Variants in TTLL4 observed in about 807,000 individuals in gnomAD.
The protein encoded by TTLL4 is tubulin monoglutamylase TTLL4.
TTLL4 carries 85 observed loss-of-function variants against 122.7 expected under a neutral mutation model. The ratio of observed to expected loss-of-function variants is 0.69; its 90% CI spans 0.58 to 0.83. TTLL4 has a LOEUF of 0.83. Ranked by LOEUF, TTLL4 falls within the 40% of genes least tolerant of loss-of-function variation. The pLI is 0.00. For missense variants in TTLL4, 1,363 were observed against 1,488.6 expected (o/e 0.92, Z 1.39); for synonymous variants, 553 against 563.0 (o/e 0.98, Z 0.25).
Position 218,749,277 on chromosome 2 carries a change from G to A in TTLL4, c.2625G>A (p.Leu875=). The A allele has an allele frequency of 1.2e-6, 2 of 1,614,134 alleles. No individual in the cohort carries two copies. Among genetic ancestry groups the A allele is most frequent in the African/African-American group, 1.3e-5 (1 of 75,032 alleles). ...GGTCAGAGCCCTATGTGACCAGCCT[G>A]CTCAAGATGTATGTGCGACGGCCCT... ...IISSEPYVTS[L]LKMYVRRPYS... Residue 875 remains leucine (L), a synonymous_variant, in exon 14 of 20, where the codon CTG becomes CTA. Transcript: ENST00000392102.
At chr2:218,721,354 G>A (rs192593804) in intron 1 of TTLL4, among the ~76,000 whole-genome samples, 6 of 152,280 alleles carry the variant, frequency 3.9e-5, no homozygotes, top group Non-Finnish European at 2.9e-5. Context: ...ACAGGTGTGC[G>A]TCACCGCGCC....
chr2:218,738,906 CA>C lies in TTLL4; in HGVS notation c.1232del (p.Asn411IlefsTer30). The part of the protein sequence containing the change: ...PGASDTLGLD[N>X]TVFCTKRISI... ...GTGCCTCAGATACCTTGGGGTTGGA[CA>C]ATACAGTCTTCTGTACCAAGCGTAT... On this transcript the variant is annotated frameshift_variant, in exon 3 of 20. Coordinates refer to ENST00000392102, the MANE Select transcript of TTLL4 (RefSeq NM_014640.5). LOFTEE classifies it high-confidence loss of function. The C allele has an allele frequency of 1.9e-6, 3 of 1,614,176 alleles. No homozygotes were observed. Among genetic ancestry groups the C allele is most frequent in the Non-Finnish European group, 2.5e-6 (3 of 1,180,034 alleles).
intron 19 of TTLL4, 111 bp from the exon 20 acceptor site, chr2:218,754,023 C>T: frequency 6.7e-7 from 1 of 1,489,772 alleles, no homozygotes; most frequent in Non-Finnish European, 9.1e-7. Context: ...TAATTTTGGC[C>T]TACAACACTG....
chr2:218,730,782 ATAGTAT>A (rs1942358633), intron 2 of TTLL4, among the ~76,000 whole-genome samples: 3 of 151,746 alleles, frequency 2.0e-5, no homozygotes, highest in Non-Finnish European at 4.4e-5. Flanking sequence ...TTATTAACAG[ATAGTAT>A]TTAAAATACT....
In TTLL4 at chr2:218,738,210, C is replaced by T. The variant is rs766167026; in HGVS notation, c.534C>T (p.Ser178=). ...FSMAQPMASS[S]TEPYLCLAAA... ...TGGCCCAGCCCATGGCCTCCTCATC[C>T]ACAGAACCATACCTCTGCTTGGCAG... Residue 178 remains serine, a synonymous_variant, in exon 3 of 20, where the codon TCC becomes TCT. Transcript: ENST00000392102. The T allele has an allele frequency of 1.9e-6, 3 of 1,614,108 alleles. No individual in the cohort carries two copies.
chr2:218,739,039 C>T lies in TTLL4; in HGVS notation c.1363C>T (p.Pro455Ser). The T allele has an allele frequency of 6.2e-7, 1 of 1,614,232 alleles. No homozygotes were observed. The highest frequency in any genetic ancestry group is 8.5e-7 in the Non-Finnish European group (1 of 1,180,038). ...TGGAGAAGGCAAAGCTCCAGGTCCC[C>T]CTTTTCCTCAAACTCTTGGCATAGC... ...AFGEGKAPGP[P>S]FPQTLGIANV... Residue 455 changes from proline to serine, a missense_variant, in exon 3 of 20, where the codon CCT becomes TCT. Pro to Ser is a moderately conservative substitution (Grantham distance 74, BLOSUM62 -1). Coordinates refer to ENST00000392102, the MANE Select transcript of TTLL4 (RefSeq NM_014640.5).
intron 5 of TTLL4, among the ~76,000 whole-genome samples, chr2:218,742,722 G>T (rs1942735193): frequency 1.3e-5 from 2 of 152,220 alleles, no homozygotes. Context: ...AAGAAAGAAT[G>T]CAGAGAGGTC....
At chr2:218,729,130 C>T (rs990380347) in intron 2 of TTLL4, among the ~76,000 whole-genome samples, 9 of 151,958 alleles carry the variant, frequency 5.9e-5, no homozygotes, top group East Asian at 1.9e-4. Context: ...GACGGGGTTT[C>T]GCCATGTTGG....
chr2:218,751,140 G>A (rs978849630), intron 15 of TTLL4, among the ~76,000 whole-genome samples: 79 of 152,184 alleles, frequency 5.2e-4, no homozygotes, highest in Non-Finnish European at 1.0e-3. Flanking sequence ...TACTTTCCCC[G>A]CTTTACCCTG....
rs566478586 is a variant in TTLL4, at chr2:218,716,892, C to T, written c.-178+5855C>T. Among the ~76,000 whole-genome samples the T allele has an allele frequency of 6.6e-5, 10 of 152,304 alleles. No homozygotes were observed. In the South Asian group the frequency reaches 1.2e-3, roughly 19 times the overall value. On this transcript the variant is annotated intron_variant, in intron 1 of 19. Transcript: ENST00000392102. Reference sequence around the variant, plus strand: ...GGGTAAGAATCTAATTTCGTGCCATCGTCTTGATTCATGCTAAGTCACCAG... The same window carrying T: ...GGGTAAGAATCTAATTTCGTGCCATTGTCTTGATTCATGCTAAGTCACCAG...
chr2:218,711,314 T>G (rs889636214), intron 1 of TTLL4, among the ~76,000 whole-genome samples: 4 of 152,214 alleles, frequency 2.6e-5, no homozygotes, highest in Admixed American at 2.6e-4. Flanking sequence ...GAACACTGCC[T>G]CATCCCCTAG....
chr2:218,717,712 A>G (rs1268046326), intron 1 of TTLL4, among the ~76,000 whole-genome samples: 16 of 152,022 alleles, frequency 1.1e-4, no homozygotes, highest in Admixed American at 1.0e-3. Flanking sequence ...TTAGGGAGAG[A>G]GAGCTTGGGA....
At chr2:218,753,225 C>T in intron 18 of TTLL4, 40 bp downstream of exon 18, 1 of 1,609,212 alleles carries the variant, frequency 6.2e-7, no homozygotes. Context: ...CTTCTCAGGC[C>T]CCTCCCTCCT....
At chr2:218,744,708 C>T (rs930449516) in intron 5 of TTLL4, among the ~76,000 whole-genome samples, 10 of 152,104 alleles carry the variant, frequency 6.6e-5, no homozygotes, top group Non-Finnish European at 2.9e-5. Flanking sequence ...TTTCCTCCTT[C>T]GTAATTTTTA....
intron 2 of TTLL4, among the ~76,000 whole-genome samples, chr2:218,735,290 A>C (rs565688270): frequency 6.6e-6 from 1 of 152,166 alleles, no homozygotes; most frequent in African/African-American, 2.4e-5. Flanking sequence ...GGCTGGGTTC[A>C]GTGGCTCAGG....
At chr2:218,743,797 A>G (rs1039351884) in intron 5 of TTLL4, among the ~76,000 whole-genome samples, 1 of 152,166 alleles carries the variant, frequency 6.6e-6, no homozygotes, top group African/African-American at 2.4e-5. Context: ...CTCCTGACTC[A>G]GCCTCCCGAG....
chr2:218,749,593 A>G (rs1038419539), intron 14 of TTLL4, among the ~76,000 whole-genome samples: 1 of 151,852 alleles, frequency 6.6e-6, no homozygotes. Context: ...TCAGCCTCCC[A>G]AGTAGCTGGG....
chr2:218,718,185 C>T (rs1165259108), intron 1 of TTLL4, among the ~76,000 whole-genome samples: 6 of 152,000 alleles, frequency 3.9e-5, no homozygotes, highest in Admixed American at 6.6e-5. Context: ...CCCTGGTGAC[C>T]GAGGGAAACA....
rs1409546721 is a variant in TTLL4 at position 218,749,319 on chromosome 2, CTT to C, written c.2669_2670del (p.Phe890TrpfsTer3). ...GACGGCCCTATAGCTGCCATGAACT[CTT>C]TGGTTTTGACATCATGCTAGACGAA... ...VRRPYSCHEL[F>X]GFDIMLDENL... On this transcript the variant is annotated frameshift_variant, in exon 14 of 20. Coordinates refer to ENST00000392102, the MANE Select transcript of TTLL4 (RefSeq NM_014640.5). LOFTEE classifies it high-confidence loss of function. The C allele has an allele frequency of 6.2e-7, 1 of 1,614,168 alleles. No individual in the cohort carries two copies. The highest frequency in any genetic ancestry group is 1.7e-5 in the Admixed American group (1 of 60,022).
Sources: gnomAD v4.1 joint callset for allele counts (sites outside exome capture counted in the v4.1 genomes callset) on GRCh38, gnomAD v4.1.1 for gene constraint, MANE v1.5 for transcripts, NCBI Gene and HGNC (gene_info 2026-07-23, HGNC 2026-07-21) for gene names.